ABCE1: variants seen among roughly 807,000 people sequenced by gnomAD.
ABCE1 encodes the protein ATP binding cassette subfamily E member 1.
Under a neutral mutation model 83.4 loss-of-function variants are expected in ABCE1, and 22 were observed. The observed-to-expected ratio is 0.26, with a 90% CI of 0.19 to 0.38. The LOEUF (loss-of-function observed/expected upper bound fraction) is 0.38. Among genes scored for constraint, ABCE1 ranks in the 10% least tolerant of loss-of-function variants. The pLI is 1.00. For missense variants in ABCE1, 330 were observed against 721.9 expected (o/e 0.46, Z 6.22); for synonymous variants, 204 against 233.7 (o/e 0.87, Z 1.16).
chr4:145,117,654 G>A (rs1414461714), intron 10 of ABCE1, among the ~76,000 whole-genome samples: 1 of 151,646 alleles, frequency 6.6e-6, no homozygotes, highest in Non-Finnish European at 1.5e-5. Flanking sequence ...ACTTTTGTTG[G>A]GGGTTGGGAG....
intron 1 of ABCE1, among the ~76,000 whole-genome samples, chr4:145,098,843 T>G (rs963048634): frequency 6.6e-6 from 1 of 152,258 alleles, no homozygotes; most frequent in African/African-American, 2.4e-5. Flanking sequence ...TATTTGGTTG[T>G]GGGAAGTCGT....
At chr4:145,109,340 T>G (rs1358837783) in intron 5 of ABCE1, 91 bp downstream of exon 5, 18 of 642,988 alleles carry the variant, frequency 2.8e-5, no homozygotes, top group Non-Finnish European at 4.2e-5. Flanking sequence ...AATATTCTTA[T>G]TTTCAAAATT....
At chr4:145,108,854 G>A (rs1479656940) in intron 4 of ABCE1, among the ~76,000 whole-genome samples, 1 of 152,110 alleles carries the variant, frequency 6.6e-6, no homozygotes, top group Non-Finnish European at 1.5e-5. Context: ...ACTTTAGGAT[G>A]GACTTTGAAA....
At chr4:145,100,055 A>G (rs887538089) in intron 1 of ABCE1, among the ~76,000 whole-genome samples, 49 of 152,246 alleles carry the variant, frequency 3.2e-4, no homozygotes, top group African/African-American at 1.1e-3. Flanking sequence ...AAACTGATAC[A>G]GAAATTGAAT....
chr4:145,118,326 G>T (rs972788838), intron 10 of ABCE1, among the ~76,000 whole-genome samples: 1 of 147,362 alleles, frequency 6.8e-6, no homozygotes. Context: ...AATTTATATT[G>T]CATTATAATC....
At chr4:145,114,301 A>G (rs1035648788) in intron 9 of ABCE1, among the ~76,000 whole-genome samples, 10 of 152,132 alleles carry the variant, frequency 6.6e-5, no homozygotes, top group Admixed American at 5.2e-4. Context: ...AAGCATACAC[A>G]TGTACCAGAG....
rs537796671 is a variant in ABCE1, at chr4:145,106,764, TAAGAG to T, written c.189+1080_189+1084del. On this transcript the variant is annotated intron_variant, in intron 3 of 17. Coordinates refer to ENST00000296577, the MANE Select transcript of ABCE1 (RefSeq NM_002940.3). ...AGCATATAAGCATTGTATGTACATT[TAAGAG>T]AAGAGGATAATGGAGGTAACTCCAC... 9.2e-5 allele frequency among the ~76,000 whole-genome samples: 14 copies of T among 152,234 alleles called. No homozygotes were observed. The South Asian group carries it at 2.3e-3, about 25-fold the overall frequency.
intron 3 of ABCE1, among the ~76,000 whole-genome samples, chr4:145,106,461 C>G (rs927148693): frequency 6.6e-6 from 1 of 151,986 alleles, no homozygotes; most frequent in African/African-American, 2.4e-5. Context: ...TTACTAATCT[C>G]TTACTAGATA....
intron 1 of ABCE1, among the ~76,000 whole-genome samples, chr4:145,103,392 C>A (rs1441953642): frequency 6.6e-6 from 1 of 152,142 alleles, no homozygotes; most frequent in East Asian, 1.9e-4. Flanking sequence ...GAATTTTTTA[C>A]TTTAATCACC....
In ABCE1 at chr4:145,128,357, C is replaced by G. The variant is rs1749950635; in HGVS notation, c.*784C>G. 6.6e-6 allele frequency: 1 copy of G among 152,472 alleles called. No homozygotes were observed. Among genetic ancestry groups the G allele is most frequent in the Non-Finnish European group, 1.5e-5 (1 of 68,006 alleles). The allele number at this position is 152,472 out of a possible 1,614,324, so 9.4% of individuals were successfully genotyped here. On this transcript the variant is annotated 3_prime_UTR_variant, in exon 18 of 18. Transcript: ENST00000296577. ...GATTGAGATTTAGGAAAAAGCATTT[C>G]TAAAGAATATTTGCTTCCCTTAGAA...
chr4:145,123,387 AT>A, intron 15 of ABCE1, 30 bp downstream of exon 15: 1 of 1,596,336 alleles, frequency 6.3e-7, no homozygotes. Context: ...CCATATTTTG[AT>A]TATGTATACT....
intron 16 of ABCE1, chr4:145,123,804 A>C (rs1328214982): frequency 1.3e-5 from 5 of 387,330 alleles, no homozygotes; most frequent in African/African-American, 2.0e-5. Flanking sequence ...CCTCACCAGG[A>C]AGATAAAAAG....
chr4:145,099,134 T>G (rs1749022237), intron 1 of ABCE1, among the ~76,000 whole-genome samples: 1 of 152,216 alleles, frequency 6.6e-6, no homozygotes, highest in Non-Finnish European at 1.5e-5. Context: ...GGTTGATGTC[T>G]TTACTCAGAA....
At chr4:145,107,947 A>G in intron 3 of ABCE1, 68 bp from the exon 4 acceptor site, 1 of 1,169,602 alleles carries the variant, frequency 8.5e-7, no homozygotes, top group Admixed American at 2.5e-5. Context: ...AATATTTTTA[A>G]TCCATTTTAG....
At chr4:145,102,303 C>T (rs1263381714) in intron 1 of ABCE1, among the ~76,000 whole-genome samples, 1 of 151,980 alleles carries the variant, frequency 6.6e-6, no homozygotes, top group Admixed American at 6.6e-5. Context: ...GTATAAGCAA[C>T]TCTTTGAAGT....
Position 145,123,546 on chromosome 4 carries a change from C to T in ABCE1, c.1586C>T (p.Ala529Val), listed in dbSNP as rs1190531936. 1.9e-6 allele frequency: 3 copies of T among 1,607,298 alleles called. No homozygotes were observed. The highest frequency in any genetic ancestry group is 1.1e-5 in the South Asian group (1 of 90,870). The change falls in exon 16 of 18, where the codon GCG becomes GTG. Residue 529 changes from alanine to valine, a missense_variant. By Grantham distance (64) the Ala-to-Val change is moderately conservative. Transcript: ENST00000296577. ...EHDFIMATYL[A>V]DRVIVFDGVP... Reference sequence around the variant, plus strand: ...GACTTCATCATGGCCACCTATCTAGCGGATCGCGTCATCGTTTTTGATGGT... The same window carrying T: ...GACTTCATCATGGCCACCTATCTAGTGGATCGCGTCATCGTTTTTGATGGT...
intron 1 of ABCE1, among the ~76,000 whole-genome samples, chr4:145,102,111 TA>T (rs1224728432): frequency 2.6e-5 from 4 of 152,100 alleles, no homozygotes; most frequent in Admixed American, 6.5e-5. Context: ...GGTTTTTATC[TA>T]GTAGGAAAAG....
chr4:145,111,417 G>A (rs530283403), intron 8 of ABCE1, among the ~76,000 whole-genome samples: 11 of 152,240 alleles, frequency 7.2e-5, no homozygotes, highest in South Asian at 4.1e-4. Flanking sequence ...TCCACCTCCC[G>A]GGTTCACGCC....
At chr4:145,103,468 G>A (rs898306433) in intron 1 of ABCE1, among the ~76,000 whole-genome samples, 2 of 152,124 alleles carry the variant, frequency 1.3e-5, no homozygotes, top group African/African-American at 4.8e-5. Context: ...AGTTAACTTT[G>A]ATCTTAATGC....
Sources: gnomAD v4.1 joint callset for allele counts (sites outside exome capture counted in the v4.1 genomes callset) on GRCh38, gnomAD v4.1.1 for gene constraint, MANE v1.5 for transcripts, NCBI Gene and HGNC (gene_info 2026-07-23, HGNC 2026-07-21) for gene names.